IL2RB: variants seen among roughly 807,000 people sequenced by gnomAD.
IL2RB encodes the protein interleukin-2 receptor subunit beta.
In IL2RB, 17 loss-of-function variants were observed where a neutral mutation model predicts 44.2. That is an observed-to-expected ratio of 0.38 (90% CI 0.26 to 0.58). IL2RB has a LOEUF of 0.58. Ranked by LOEUF, IL2RB falls within the 20% of genes least tolerant of loss-of-function variation. IL2RB has a pLI of 0.63. For synonymous variants in IL2RB, 286 were observed against 297.9 expected (o/e 0.96, Z 0.41); for missense variants, 624 against 685.5 (o/e 0.91, Z 1.00).
At chr22:37,170,499 G>A (rs1276839639) in intron 1 of IL2RB, among the ~76,000 whole-genome samples, 2 of 152,198 alleles carry the variant, frequency 1.3e-5, no homozygotes, top group African/African-American at 4.8e-5. Flanking sequence ...AGGGGAAGCA[G>A]CGCCACCCAG....
chr22:37,156,368 C>T (rs1213945939), intron 1 of IL2RB, among the ~76,000 whole-genome samples: 1 of 152,242 alleles, frequency 6.6e-6, no homozygotes, highest in African/African-American at 2.4e-5. Flanking sequence ...AAGAAGAAAA[C>T]AGTGACCTAA....
chr22:37,149,052 G>A (rs960960884), intron 1 of IL2RB, among the ~76,000 whole-genome samples: 4 of 152,120 alleles, frequency 2.6e-5, no homozygotes, highest in Admixed American at 2.6e-4. Context: ...GTGGGGGAAG[G>A]AAGGGGACCC....
intron 1 of IL2RB, among the ~76,000 whole-genome samples, chr22:37,164,189 C>T (rs1180114021): frequency 2.6e-5 from 4 of 152,182 alleles, no homozygotes; most frequent in African/African-American, 9.7e-5. Context: ...TGCCCCTCAG[C>T]CCCACTACTT....
At position 37,128,100 on chromosome 22, in the gene IL2RB, A is replaced by G. The variant is rs147038391; in HGVS notation, c.1652T>C (p.Val551Ala). Residue 551 changes from valine to alanine, a missense_variant, in exon 10 of 10, where the codon GTG (valine) becomes GCG (alanine). Around this residue, in one of 3 missense-constraint regions of IL2RB, gnomAD observed 291 missense variants for 275.5 expected, o/e 1.06. Transcript: ENST00000216223. The surrounding 1 kb of genome is among the most constrained non-coding windows in gnomAD (Gnocchi z 4.5). The stretch of plus-strand genomic sequence containing the variant: ...CCTCCCACCCTGGCCATCTGTCTAC[A>G]CCAAGTGAGTTGGGTCCTGACCCTG... ...ELQGQDPTHLV is the reference protein window; with the variant it reads ...ELQGQDPTHLA 68 of 1,559,032 alleles carry G rather than the reference A, an allele frequency of 4.4e-5. No individual in the cohort carries two copies. In the African/African-American group the frequency reaches 8.7e-4, roughly 20 times the overall value.
At chr22:37,129,454 A>G (rs949149763) in intron 9 of IL2RB, among the ~76,000 whole-genome samples, 1 of 45,610 alleles carries the variant, frequency 2.2e-5, no homozygotes. Context: ...TGCAGTCCCC[A>G]CCCCCACCCC....
intron 2 of IL2RB, 60 bp from the exon 3 acceptor site, chr22:37,143,695 C>A: frequency 8.4e-7 from 1 of 1,190,084 alleles, no homozygotes; most frequent in Non-Finnish European, 1.3e-6. Flanking sequence ...CCCCAAGACA[C>A]GCCCACTGCC....
Position 37,141,486 on chromosome 22 carries a change from G to A in IL2RB, c.282+948C>T, listed in dbSNP as rs1401877354. ...GGGCTACGCACTCTGTGGATCCAGTGTGAGTCGGGGACAAGCGGGACCCCT... is the reference window on the plus strand; with the variant it reads ...GGGCTACGCACTCTGTGGATCCAGTATGAGTCGGGGACAAGCGGGACCCCT... On this transcript the variant is annotated intron_variant, in intron 4 of 9. Coordinates refer to ENST00000216223, the MANE Select transcript of IL2RB (RefSeq NM_000878.5). This position sits in a 1 kb window ranked among gnomAD's most constrained non-coding sequence, Gnocchi z 4.4. Among the ~76,000 whole-genome samples the A allele has an allele frequency of 3.9e-5, 6 of 152,042 alleles. No homozygotes were observed. Among genetic ancestry groups the A allele is most frequent in the African/African-American group, 1.5e-4 (6 of 41,378 alleles).
chr22:37,131,587 T>G (rs570433982), intron 9 of IL2RB, among the ~76,000 whole-genome samples: 14 of 152,274 alleles, frequency 9.2e-5, no homozygotes, highest in African/African-American at 3.4e-4. Context: ...GACTTGTTAG[T>G]ATCCACGCTA....
Position 37,127,840 on chromosome 22 carries a change from G to C in IL2RB, c.*256C>G, listed in dbSNP as rs530758702. On this transcript the variant is annotated 3_prime_UTR_variant, in exon 10 of 10. Coordinates refer to ENST00000216223, the MANE Select transcript of IL2RB (RefSeq NM_000878.5). The stretch of plus-strand genomic sequence containing the variant: ...AAATTCGTGGGATCCTGTGATTAAC[G>C]AGGGAGTTGGGGAGTTACTGCCCCC... 3 of 360,168 alleles carry C rather than the reference G, an allele frequency of 8.3e-6. No individual in the cohort carries two copies. The highest frequency in any genetic ancestry group is 9.3e-5 in the Admixed American group (2 of 21,474). 22.3% of individuals were successfully genotyped at this position (360,168 alleles called of 1,614,324 possible). A position where few individuals can be genotyped will look rare whatever the true frequency, so the allele number is the denominator to read the frequency against.
At chr22:37,169,452 C>T (rs36124857) in intron 1 of IL2RB, among the ~76,000 whole-genome samples, 69,043 of 152,048 alleles carry the variant, frequency 0.45, 18,057 homozygotes, top group Non-Finnish European at 0.57. Flanking sequence ...GTTAGCGGGA[C>T]GCTGCCATGT....
chr22:37,145,973 G>A lies in IL2RB; in HGVS notation c.-33-1768C>T, dbSNP rs541018460. ...CTCCAGCTCAGCCCCAAGCCTCCAC[G>A]TCCCTCCCGATGGTCTGCAGGACCC... On this transcript the variant is annotated intron_variant, in intron 1 of 9. Transcript: ENST00000216223. Among the ~76,000 whole-genome samples, 24 of 152,002 alleles carry A rather than the reference G, an allele frequency of 1.6e-4. No individual in the cohort carries two copies. In the South Asian group the frequency reaches 4.6e-3, roughly 29 times the overall value.
At position 37,141,228 on chromosome 22, in the gene IL2RB, C is replaced by G. The variant is rs1282345313; in HGVS notation, c.282+1206G>C. ...CCAGGTGTCCCTGCACTCTCAGGGG[C>G]CCTGGTCCAAACCCAAGCCTCCAGG... On this transcript the variant is annotated intron_variant, in intron 4 of 9. Coordinates refer to ENST00000216223, the MANE Select transcript of IL2RB (RefSeq NM_000878.5). This position sits in a 1 kb window ranked among gnomAD's most constrained non-coding sequence, Gnocchi z 4.4. Among the ~76,000 whole-genome samples, 1 of 151,988 alleles carries G rather than the reference C, an allele frequency of 6.6e-6. No individual in the cohort carries two copies. Among genetic ancestry groups the G allele is most frequent in the Admixed American group, 6.5e-5 (1 of 15,280 alleles).
rs940348640 is a variant in IL2RB, at chr22:37,141,617, C to T, written c.282+817G>A. On this transcript the variant is annotated intron_variant, in intron 4 of 9. Transcript: ENST00000216223. The surrounding 1 kb of genome is among the most constrained non-coding windows in gnomAD (Gnocchi z 4.4). Reference sequence around the variant, plus strand: ...ACAAGCTCAGGGGTGTCTGCTCCCACTGTCTGGCCTCCTCCTGCTCCAGTG... The same window carrying T: ...ACAAGCTCAGGGGTGTCTGCTCCCATTGTCTGGCCTCCTCCTGCTCCAGTG... 1.3e-5 allele frequency among the ~76,000 whole-genome samples: 2 copies of T among 152,190 alleles called. No individual in the cohort carries two copies. Among genetic ancestry groups the T allele is most frequent in the African/African-American group, 4.8e-5 (2 of 41,444 alleles).
intron 1 of IL2RB, among the ~76,000 whole-genome samples, chr22:37,167,899 C>T (rs116437994): frequency 0.017 from 2,492 of 149,634 alleles, 64 homozygotes; most frequent in African/African-American, 0.058. Flanking sequence ...GGAAGGGGTG[C>T]GGGAGGGAGG....
In IL2RB at chr22:37,132,407, A is replaced by G; in HGVS notation, c.880T>C (p.Ser294Pro). 1 of 1,613,882 alleles carries G rather than the reference A, an allele frequency of 6.2e-7. No individual in the cohort carries two copies. Among genetic ancestry groups the G allele is most frequent in the Non-Finnish European group, 8.5e-7 (1 of 1,179,970 alleles). ...ACCTGGACGTCTCCTCCATGCTCTG[A>G]GCTCAGCTGGGAAAAGAACTTCGAG... ...DPSKFFSQLS[S>P]EHGGDVQKWL... is the part of the protein sequence containing the mutation. Residue 294 changes from serine (S) to proline (P), a missense_variant, in exon 9 of 10, where the codon TCA (serine) becomes CCA (proline). Physicochemically the swap from Ser to Pro is moderately conservative, Grantham distance 74. Transcript: ENST00000216223.
chr22:37,142,907 C>T (rs1211368242), intron 3 of IL2RB, among the ~76,000 whole-genome samples: 3 of 151,946 alleles, frequency 2.0e-5, no homozygotes, highest in African/African-American at 4.8e-5. Context: ...CCTGCCTTAC[C>T]CCTCCATCTC....
intron 9 of IL2RB, among the ~76,000 whole-genome samples, chr22:37,130,411 A>G (rs1214780513): frequency 1.3e-5 from 2 of 152,136 alleles, no homozygotes; most frequent in Non-Finnish European, 1.5e-5. Context: ...CCCCTCACAC[A>G]TACTCCCACA....
rs778572562 is a variant in IL2RB at position 37,135,290 on chromosome 22, G to A, written c.818+38C>T. 15 of 1,387,550 alleles carry A rather than the reference G, an allele frequency of 1.1e-5. 1 individual carries two copies. The highest frequency in any genetic ancestry group is 5.8e-5 in the South Asian group (5 of 86,282). The allele number at this position is 1,387,550 out of a possible 1,614,324, so 86.0% of individuals were successfully genotyped here. A position where few individuals can be genotyped will look rare whatever the true frequency, so the allele number is the denominator to read the frequency against. On this transcript the variant is annotated intron_variant, in intron 8 of 9. Coordinates refer to ENST00000216223, the MANE Select transcript of IL2RB (RefSeq NM_000878.5). Reference sequence around the variant, plus strand: ...TGTGCATGTGTGTGCACGTTGGAGGGGTGGGAGCATGAAGGAAGGGGAGGA... The same window carrying A: ...TGTGCATGTGTGTGCACGTTGGAGGAGTGGGAGCATGAAGGAAGGGGAGGA...
At chr22:37,139,825 C>A (rs1174955416) in intron 4 of IL2RB, among the ~76,000 whole-genome samples, 1 of 152,252 alleles carries the variant, frequency 6.6e-6, no homozygotes, top group Non-Finnish European at 1.5e-5. Flanking sequence ...AGCATCCATC[C>A]CATGGTATGG....
Sources: gnomAD v4.1 joint callset for allele counts (sites outside exome capture counted in the v4.1 genomes callset) on GRCh38, gnomAD v4.1.1 for gene constraint, gnomAD v4.1.1 regional missense constraint, Gnocchi (gnomAD v3.1) non-coding constraint, MANE v1.5 for transcripts, NCBI Gene and HGNC (gene_info 2026-07-23, HGNC 2026-07-21) for gene names.